METTL8: variants seen among roughly 807,000 people sequenced by gnomAD.
The protein encoded by METTL8 is methyltransferase 8, tRNA N3-cytidine.
A neutral mutation model predicts 48.7 loss-of-function variants in METTL8; 32 were observed. That is an observed-to-expected ratio of 0.66 (90% CI 0.50 to 0.88). The LOEUF (loss-of-function observed/expected upper bound fraction) is 0.88, where lower values mean the gene tolerates loss of function less well. Ranked by LOEUF, METTL8 falls within the 40% of genes least tolerant of loss-of-function variation. The pLI is 0.00. For synonymous variants in METTL8, 136 were observed against 157.1 expected, an observed-to-expected ratio of 0.87 and a Z score of 1.01; for missense variants, 464 against 474.4, an observed-to-expected ratio of 0.98 and a Z score of 0.20.
intron 3 of METTL8, among the ~76,000 whole-genome samples, chr2:171,355,183 T>G (rs1197719443): frequency 6.6e-6 from 1 of 152,230 alleles, no homozygotes; most frequent in Non-Finnish European, 1.5e-5. Flanking sequence ...GTTTTCCTTC[T>G]AACAGTCAGG....
In METTL8 at chr2:171,363,792, T is replaced by TTATATATA. The variant is rs200347847; in HGVS notation, c.144-3287_144-3280dup. 2.6e-3 allele frequency among the ~76,000 whole-genome samples: 256 copies of TTATATATA among 97,436 alleles called. 8 individuals are homozygous for TTATATATA. Among genetic ancestry groups the TTATATATA allele is most frequent in the Admixed American group, 7.2e-3 (67 of 9,294 alleles). 63.9% of individuals were successfully genotyped at this position (97,436 alleles called of 152,430 possible). On this transcript the variant is annotated intron_variant, in intron 2 of 9. Transcript: ENST00000375258. ...GGTTAAAAAAGTACATCCCCAAATTTTATATATATATATATATATATATCT... is the reference window on the plus strand; with the variant it reads ...GGTTAAAAAAGTACATCCCCAAATTTTATATATATATATATATATATATATATATATCT...
intron 3 of METTL8, among the ~76,000 whole-genome samples, chr2:171,356,952 A>ATGTTTTTGTTTTTTGTT: frequency 1.3e-5 from 1 of 78,468 alleles, no homozygotes; most frequent in Non-Finnish European, 2.4e-5. Context: ...CAAAGACAAT[A>ATGTTTTTGTTTTTTGTT]TTTTTTTTTT....
At chr2:171,333,892 G>C (rs1321620293) in intron 5 of METTL8, among the ~76,000 whole-genome samples, 1 of 152,068 alleles carries the variant, frequency 6.6e-6, no homozygotes, top group Non-Finnish European at 1.5e-5. Context: ...CATCTAAGAT[G>C]GTTGTTTGAA....
At chr2:171,352,816 C>A (rs1232362662) in intron 3 of METTL8, among the ~76,000 whole-genome samples, 2 of 152,106 alleles carry the variant, frequency 1.3e-5, no homozygotes, top group African/African-American at 2.4e-5. Flanking sequence ...GTGGTGATAT[C>A]CCCTTTATCA....
chr2:171,434,201 G>A (rs1316260441), upstream of METTL8: 1 of 399,260 alleles, frequency 2.5e-6, no homozygotes, highest in Non-Finnish European at 5.1e-6. Flanking sequence ...GCTCCCCGCC[G>A]CCTGACGGGA....
chr2:171,324,446 G>T, intron 9 of METTL8, 84 bp from the exon 10 acceptor site: 2 of 1,165,336 alleles, frequency 1.7e-6, no homozygotes, highest in South Asian at 1.6e-5. Context: ...TGGAATAACT[G>T]ACCATCTAAA....
At chr2:171,334,280 C>T (rs1011500846) in intron 5 of METTL8, among the ~76,000 whole-genome samples, 24 of 152,172 alleles carry the variant, frequency 1.6e-4, no homozygotes, top group Non-Finnish European at 1.5e-4. Flanking sequence ...TGTCCTGCCA[C>T]GGTGGCAGCA....
At chr2:171,418,975 C>G (rs144306312) in intron 1 of METTL8, among the ~76,000 whole-genome samples, 1 of 151,500 alleles carries the variant, frequency 6.6e-6, no homozygotes. Context: ...TGAGTATACT[C>G]CAGTATGAGT....
At position 171,397,020 on chromosome 2, in the gene METTL8, C is replaced by T. The variant is rs555892109; in HGVS notation, c.-12-4823G>A. On this transcript the variant is annotated intron_variant, in intron 1 of 9. Transcript: ENST00000375258. ...TTTTTTTTTTTAAGAGAGGGTCTCC[C>T]TATGTTGCCCAGGCTAGTCTTGAAC... Among the ~76,000 whole-genome samples, 46 of 150,668 alleles carry T rather than the reference C, an allele frequency of 3.1e-4. No individual in the cohort carries two copies. The South Asian group carries it at 9.5e-3, about 31-fold the overall frequency.
At chr2:171,414,898 A>G (rs1393598521) in intron 1 of METTL8, among the ~76,000 whole-genome samples, 3 of 152,082 alleles carry the variant, frequency 2.0e-5, no homozygotes, top group Admixed American at 6.5e-5. Flanking sequence ...CTCCCATACT[A>G]TTCTCGTGGT....
intron 9 of METTL8, among the ~76,000 whole-genome samples, chr2:171,325,208 A>G (rs993494392): frequency 5.9e-5 from 9 of 151,752 alleles, no homozygotes; most frequent in Non-Finnish European, 1.0e-4. Flanking sequence ...TTTTTTAGAC[A>G]TAAGATTCAC....
intron 7 of METTL8, among the ~76,000 whole-genome samples, chr2:171,328,742 T>C (rs1685216096): frequency 6.6e-6 from 1 of 152,180 alleles, no homozygotes; most frequent in South Asian, 2.1e-4. Context: ...CAGGCTGGAG[T>C]GCAGTGGCAT....
intron 2 of METTL8, among the ~76,000 whole-genome samples, chr2:171,374,056 T>C (rs1462517418): frequency 6.6e-6 from 1 of 152,236 alleles, no homozygotes; most frequent in African/African-American, 2.4e-5. Flanking sequence ...ATTGAATCTA[T>C]AAATTACCTT....
intron 2 of METTL8, among the ~76,000 whole-genome samples, chr2:171,369,517 G>A (rs962092721): frequency 6.6e-6 from 1 of 152,290 alleles, no homozygotes; most frequent in Non-Finnish European, 1.5e-5. Flanking sequence ...TGTCATTTAT[G>A]TTAATATGTA....
intron 2 of METTL8, among the ~76,000 whole-genome samples, chr2:171,390,737 G>A (rs1434655561): frequency 6.6e-6 from 1 of 152,176 alleles, no homozygotes; most frequent in Non-Finnish European, 1.5e-5. Context: ...GTAGGGATGA[G>A]CAAAGAAAGT....
At chr2:171,329,025 GC>G (rs1329813856) in intron 7 of METTL8, among the ~76,000 whole-genome samples, 1 of 150,404 alleles carries the variant, frequency 6.6e-6, no homozygotes, top group Non-Finnish European at 1.5e-5. Flanking sequence ...TTGCTTTGTC[GC>G]CCAGGCTGGA....
chr2:171,359,622 T>C (rs1170407091), intron 3 of METTL8, among the ~76,000 whole-genome samples: 1 of 151,932 alleles, frequency 6.6e-6, no homozygotes, highest in Non-Finnish European at 1.5e-5. Flanking sequence ...ATTTCCGGTT[T>C]TTTTTTTTTT....
chr2:171,358,424 C>T (rs1356751060), intron 3 of METTL8, among the ~76,000 whole-genome samples: 1 of 150,824 alleles, frequency 6.6e-6, no homozygotes, highest in Non-Finnish European at 1.5e-5. Flanking sequence ...TACAAAGCTA[C>T]AGCAACCAAA....
intron 1 of METTL8, among the ~76,000 whole-genome samples, chr2:171,421,416 C>T (rs549836098): frequency 6.7e-6 from 1 of 148,268 alleles, no homozygotes; most frequent in East Asian, 2.0e-4. Context: ...AGCCACTGCA[C>T]TCCAGCCTGG....
Sources: allele counts gnomAD v4.1 joint callset (sites outside exome capture counted in the v4.1 genomes callset), GRCh38; gene constraint gnomAD v4.1.1; transcripts MANE v1.5; gene names NCBI Gene and HGNC (gene_info 2026-07-23, HGNC 2026-07-21).